HIVEP1: variants seen among roughly 807,000 people sequenced by gnomAD.
HIVEP1 encodes the protein zinc finger protein 40.
HIVEP1 carries 36 observed loss-of-function variants against 180.0 expected under a neutral mutation model. The observed-to-expected ratio is 0.20, with a 90% CI of 0.15 to 0.26. The LOEUF (loss-of-function observed/expected upper bound fraction) is 0.26. HIVEP1 is among the 10% of genes least tolerant of loss of function. HIVEP1 has a pLI of 1.00. For missense variants in HIVEP1, 3,143 were observed against 3,268.7 expected, an observed-to-expected ratio of 0.96 and a Z score of 0.94; for synonymous variants, 1,239 against 1,239.0, an observed-to-expected ratio of 1.00 and a Z score of 0.00.
chr6:12,083,744 G>T (rs1772940673), intron 2 of HIVEP1, among the ~76,000 whole-genome samples: 1 of 152,116 alleles, frequency 6.6e-6, no homozygotes, highest in African/African-American at 2.4e-5. Flanking sequence ...AAACATTAAA[G>T]ATAGATACGA....
downstream of HIVEP1, among the ~76,000 whole-genome samples, chr6:12,168,914 G>A (rs570524347): frequency 2.5e-4 from 38 of 152,250 alleles, no homozygotes; most frequent in African/African-American, 8.9e-4. Flanking sequence ...TGTTGAAACA[G>A]TCTTGCTCTG....
chr6:12,161,707 G>T lies in HIVEP1; in HGVS notation c.6756G>T (p.Ala2252=). ...HTDPMDVLPR[A]LLTRMTVLST... ...ACCCAATGGACGTTCTGCCCAGGGC[G>T]CTGCTCACCAGAATGACTGTCCTGA... The change falls in exon 8 of 9, where the codon GCG becomes GCT. Residue 2252 remains alanine, a synonymous_variant. Transcript: ENST00000379388. 1 of 1,614,146 alleles carries T rather than the reference G, an allele frequency of 6.2e-7. No homozygotes were observed. Among genetic ancestry groups the T allele is most frequent in the Non-Finnish European group, 8.5e-7 (1 of 1,180,018 alleles).
the HIVEP1 span, among the ~76,000 whole-genome samples, chr6:12,195,677 G>A: frequency 5.3e-5 from 3 of 56,818 alleles, no homozygotes; most frequent in Non-Finnish European, 1.4e-4. Context: ...ACTACTGGTT[G>A]TCCTCAGAAA....
downstream of HIVEP1, among the ~76,000 whole-genome samples, chr6:12,167,581 C>CATGTAATATTACATGTATATATACAT (rs55679474): frequency 1.5e-3 from 95 of 64,914 alleles, 15 homozygotes; most frequent in Non-Finnish European, 2.5e-3. Context: ...GTTATATATA[C>CATGTAATATTACATGTATATATACAT]GTTATATTAC....
Position 12,161,839 on chromosome 6 carries a change from G to T in HIVEP1, c.6888G>T (p.Arg2296Ser), listed in dbSNP as rs768808082. The T allele has an allele frequency of 3.1e-6, 5 of 1,614,068 alleles. No individual in the cohort carries two copies. In the South Asian group the frequency reaches 5.5e-5, roughly 18 times the overall value. The part of the protein sequence containing the change: ...NDTIPSVDTS[R>S]SPCHQMSVDY... Reference sequence around the variant, plus strand: ...CAATTCCGTCTGTAGACACTTCCAGGTCCCCGTGTCATCAGATGTCTGTGG... The same window carrying T: ...CAATTCCGTCTGTAGACACTTCCAGTTCCCCGTGTCATCAGATGTCTGTGG... Residue 2296 changes from arginine (R) to serine (S), a missense_variant, in exon 8 of 9, where the codon AGG becomes AGT. Transcript: ENST00000379388.
At chr6:12,166,479 C>T (rs1463544619), downstream of HIVEP1, among the ~76,000 whole-genome samples, 3 of 152,152 alleles carry the variant, frequency 2.0e-5, no homozygotes, top group Admixed American at 6.5e-5. Context: ...TTCAATGCAT[C>T]GTGCAAATAC....
In HIVEP1 at chr6:12,154,339, A is replaced by G. The variant is rs182988728; in HGVS notation, c.6488-7100A>G. Among the ~76,000 whole-genome samples the G allele has an allele frequency of 9.2e-5, 14 of 152,162 alleles. No homozygotes were observed. In the South Asian group the frequency reaches 1.2e-3, roughly 14 times the overall value. ...TTTAAAATTACGTGCAGCGTGTGCCATTCTTGTCTCTAGCCTTCACAGTCT... is the reference window on the plus strand; with the variant it reads ...TTTAAAATTACGTGCAGCGTGTGCCGTTCTTGTCTCTAGCCTTCACAGTCT... On this transcript the variant is annotated intron_variant, in intron 7 of 8. Coordinates refer to ENST00000379388, the MANE Select transcript of HIVEP1 (RefSeq NM_002114.4).
chr6:12,198,925 G>A, the HIVEP1 span, among the ~76,000 whole-genome samples: 1 of 152,182 alleles, frequency 6.6e-6, no homozygotes, highest in South Asian at 2.1e-4. Flanking sequence ...AGAGGCCAAC[G>A]ACAGACGCAA....
rs569106010 is a variant in HIVEP1, at chr6:12,017,985, G to A, written c.40+2317G>A. Among the ~76,000 whole-genome samples the A allele has an allele frequency of 4.9e-4, 74 of 152,314 alleles. 1 individual carries two copies. The South Asian group carries it at 0.014, about 29-fold the overall frequency. The stretch of plus-strand genomic sequence containing the variant: ...CTAGGAACAGGGGGCAGCGCTCATC[G>A]GGGAGGCTGGGGCCGTGCAGGAGCC... On this transcript the variant is annotated intron_variant, in intron 2 of 8. Coordinates refer to ENST00000379388, the MANE Select transcript of HIVEP1 (RefSeq NM_002114.4).
chr6:12,184,627 C>T, the HIVEP1 span, among the ~76,000 whole-genome samples: 1 of 152,030 alleles, frequency 6.6e-6, no homozygotes, highest in African/African-American at 2.4e-5. Flanking sequence ...AAATTTGAAC[C>T]GCAGCCCTTT....
chr6:12,033,502 C>T (rs543357753), intron 2 of HIVEP1, among the ~76,000 whole-genome samples: 5 of 152,196 alleles, frequency 3.3e-5, no homozygotes, highest in Non-Finnish European at 7.3e-5. Flanking sequence ...TGCTGGACCA[C>T]AGCCCACTCT....
chr6:12,070,242 A>G (rs1771879077), intron 2 of HIVEP1, among the ~76,000 whole-genome samples: 2 of 152,252 alleles, frequency 1.3e-5, no homozygotes, highest in Admixed American at 1.3e-4. Flanking sequence ...GTCATTTACT[A>G]TCATTATCAA....
Position 12,024,426 on chromosome 6 carries a change from C to G in HIVEP1, c.40+8758C>G, listed in dbSNP as rs544831066. 7.2e-5 allele frequency among the ~76,000 whole-genome samples: 11 copies of G among 152,242 alleles called. No individual in the cohort carries two copies. In the East Asian group the frequency reaches 2.1e-3, roughly 29 times the overall value. Reference sequence around the variant, plus strand: ...CTGCTGTGTAATGAGATAGCAGTCCCTAAGCATGAATTGGAACCATACGAT... The same window carrying G: ...CTGCTGTGTAATGAGATAGCAGTCCGTAAGCATGAATTGGAACCATACGAT... On this transcript the variant is annotated intron_variant, in intron 2 of 8. Transcript: ENST00000379388.
At position 12,015,545 on chromosome 6, in the gene HIVEP1, A is replaced by G. The variant is rs1188894178; in HGVS notation, c.-84A>G. On this transcript the variant is annotated 5_prime_UTR_variant, in exon 2 of 9. It removes an upstream start codon present in the reference 5' UTR. Coordinates refer to ENST00000379388, the MANE Select transcript of HIVEP1 (RefSeq NM_002114.4). ...TTTCAGCACATGGATTAATTGATGT[A>G]TGTTGAGTTTATGGAGCTGCCTTTT... The G allele has an allele frequency of 1.6e-5, 17 of 1,049,818 alleles. No homozygotes were observed. The highest frequency in any genetic ancestry group is 8.0e-5 in the African/African-American group (5 of 62,780). The allele number at this position is 1,049,818 out of a possible 1,614,324, so 65.0% of individuals were successfully genotyped here. A position where few individuals can be genotyped will look rare whatever the true frequency, so the allele number is the denominator to read the frequency against.
chr6:12,085,912 TGTTCA>T (rs1773087581), intron 2 of HIVEP1, among the ~76,000 whole-genome samples: 1 of 152,194 alleles, frequency 6.6e-6, no homozygotes. Context: ...TTTTTCCTTT[TGTTCA>T]GTGGTTTCAG....
chr6:12,182,351 A>G, the HIVEP1 span, among the ~76,000 whole-genome samples: 1 of 152,218 alleles, frequency 6.6e-6, no homozygotes, highest in African/African-American at 2.4e-5. Flanking sequence ...GAAGAATCAC[A>G]CTCAGAAATT....
chr6:12,151,388 G>A (rs1348873135), intron 7 of HIVEP1, among the ~76,000 whole-genome samples: 1 of 152,104 alleles, frequency 6.6e-6, no homozygotes, highest in Non-Finnish European at 1.5e-5. Context: ...CTGCAAAGGG[G>A]TAAGCCACAG....
chr6:12,141,460 CAACT>C (rs1332173152), intron 7 of HIVEP1, among the ~76,000 whole-genome samples: 2 of 152,028 alleles, frequency 1.3e-5, no homozygotes, highest in African/African-American at 4.8e-5. Context: ...GAAACTGCAT[CAACT>C]AACGGGCAAA....
intron 5 of HIVEP1, 103 bp from the exon 6 acceptor site, chr6:12,130,664 A>G (rs1758367856): frequency 8.4e-6 from 5 of 598,192 alleles, no homozygotes; most frequent in Non-Finnish European, 1.4e-5. Context: ...GGTTGAGTAT[A>G]AAAGTTGTGC....
Sources: gnomAD v4.1 joint callset for allele counts (sites outside exome capture counted in the v4.1 genomes callset) on GRCh38, gnomAD v4.1.1 for gene constraint, MANE v1.5 for transcripts, NCBI Gene and HGNC (gene_info 2026-07-23, HGNC 2026-07-21) for gene names.